The following RUBCNL variants were observed in gnomAD, a reference collection of about 807,000 sequenced individuals.
RUBCNL encodes rubicon like autophagy enhancer.
RUBCNL carries 62 observed loss-of-function variants against 69.5 expected under a neutral mutation model. The observed-to-expected ratio is 0.89, with a 90% CI of 0.73 to 1.10. The LOEUF (loss-of-function observed/expected upper bound fraction) is 1.10. RUBCNL is among the 50% of genes least tolerant of loss of function. The probability of loss-of-function intolerance (pLI) is 0.00; values close to 1 mark genes in which losing one functional copy is unlikely to be tolerated. For missense variants in RUBCNL, 768 were observed against 798.1 expected, an observed-to-expected ratio of 0.96 and a Z score of 0.45; for synonymous variants, 291 against 303.6, an observed-to-expected ratio of 0.96 and a Z score of 0.43.
chr13:46,362,965 T>TATATATATATAG (rs2048664485), intron 6 of RUBCNL, 150 bp downstream of exon 6: 1 of 126,560 alleles, frequency 7.9e-6, no homozygotes, highest in Non-Finnish European at 1.5e-5. Context: ...TATATATATA[T>TATATATATATAG]ATATATATAT....
intron 5 of RUBCNL, among the ~76,000 whole-genome samples, chr13:46,365,366 G>A (rs259703): frequency 0.39 from 58,600 of 149,528 alleles, 12,076 homozygotes; most frequent in East Asian, 0.59. Flanking sequence ...CCTAAACCAC[G>A]TACACACACA....
intron 1 of RUBCNL, among the ~76,000 whole-genome samples, chr13:46,383,409 C>A (rs1335922533): frequency 2.0e-5 from 3 of 152,204 alleles, no homozygotes; most frequent in Non-Finnish European, 4.4e-5. Flanking sequence ...CCATGTACTG[C>A]CCCATAGCCT....
In RUBCNL at chr13:46,339,238, A is replaced by T. The variant is rs951481620; in HGVS notation, c.*4147T>A. Among the ~76,000 whole-genome samples the T allele has an allele frequency of 6.6e-6, 1 of 152,100 alleles. No individual in the cohort carries two copies. The highest frequency in any genetic ancestry group is 6.5e-5 in the Admixed American group (1 of 15,270). On this transcript the variant is annotated 3_prime_UTR_variant, in exon 15 of 15. Transcript: ENST00000429979. Reference sequence around the variant, plus strand: ...GCCTGCTACCTCAGCATTACTCATAAAAGTATTGTTTTAGTTTCTAGTGAA... The same window carrying T: ...GCCTGCTACCTCAGCATTACTCATATAAGTATTGTTTTAGTTTCTAGTGAA...
chr13:46,344,549 C>T, intron 14 of RUBCNL, among the ~76,000 whole-genome samples, 192 bp downstream of exon 14: 1 of 152,200 alleles, frequency 6.6e-6, no homozygotes, highest in Non-Finnish European at 1.5e-5. Context: ...CCAAATACTC[C>T]TCCTTCTGTG....
chr13:46,363,097 A>G lies in RUBCNL; in HGVS notation c.925+18T>C. On this transcript the variant is annotated intron_variant, in intron 6 of 14. Transcript: ENST00000429979. ...TGGGGAGGCAGCCAGTCACATCCAA[A>G]CAGTTTCCAAATCTTACCTAAAATA... 2 of 1,539,640 alleles carry G rather than the reference A, an allele frequency of 1.3e-6. No individual in the cohort carries two copies. The highest frequency in any genetic ancestry group is 1.8e-6 in the Non-Finnish European group (2 of 1,122,276).
chr13:46,362,939 G>GATATATATATATAGAT (rs2048653872), intron 6 of RUBCNL, among the ~76,000 whole-genome samples, 176 bp downstream of exon 6: 1 of 41,504 alleles, frequency 2.4e-5, no homozygotes. Flanking sequence ...TATATATATA[G>GATATATATATATAGAT]ATATATATAT....
rs2048105068 is a variant in RUBCNL at position 46,336,350 on chromosome 13, T to C, written c.*7035A>G. Among the ~76,000 whole-genome samples, 1 of 152,190 alleles carries C rather than the reference T, an allele frequency of 6.6e-6. No homozygotes were observed. Among genetic ancestry groups the C allele is most frequent in the Non-Finnish European group, 1.5e-5 (1 of 68,028 alleles). Reference sequence around the variant, plus strand: ...GGCATGGACAGTAGAAATGCAACCATTACTCTTAAAAGTTGTATAGTACTG... The same window carrying C: ...GGCATGGACAGTAGAAATGCAACCACTACTCTTAAAAGTTGTATAGTACTG... On this transcript the variant is annotated 3_prime_UTR_variant, in exon 15 of 15. Transcript: ENST00000429979.
At chr13:46,350,091 T>C (rs1272565795) in intron 11 of RUBCNL, 22 bp downstream of exon 11, 5 of 1,500,478 alleles carry the variant, frequency 3.3e-6, no homozygotes, top group Non-Finnish European at 4.5e-6. Flanking sequence ...ATGAGAGGGA[T>C]GGGGTTGGGG....
Position 46,335,158 on chromosome 13 carries a change from G to A in RUBCNL, c.*8227C>T, listed in dbSNP as rs2138647977. On this transcript the variant is annotated 3_prime_UTR_variant, in exon 15 of 15. Coordinates refer to ENST00000429979, the MANE Select transcript of RUBCNL (RefSeq NM_025113.5). ...TGCCTCACTACAGCCTCAAACTCCT[G>A]GGCTCGATCGATCCTCCCACCTCAG... Among the ~76,000 whole-genome samples, 1 of 151,598 alleles carries A rather than the reference G, an allele frequency of 6.6e-6. No homozygotes were observed. Among genetic ancestry groups the A allele is most frequent in the African/African-American group, 2.4e-5 (1 of 41,274 alleles).
At chr13:46,386,565 C>A (rs2049249374) in intron 1 of RUBCNL, among the ~76,000 whole-genome samples, 1 of 151,332 alleles carries the variant, frequency 6.6e-6, no homozygotes, top group African/African-American at 2.4e-5. Flanking sequence ...TGGGGGAACG[C>A]CCGCCTGACC....
intron 7 of RUBCNL, 111 bp from the exon 8 acceptor site, chr13:46,361,684 T>C: frequency 9.2e-7 from 1 of 1,087,402 alleles, no homozygotes; most frequent in Non-Finnish European, 1.3e-6. Context: ...CAGAAGAGGC[T>C]GTCATATGAG....
At chr13:46,367,455 A>C (rs1194354104) in intron 5 of RUBCNL, among the ~76,000 whole-genome samples, 1 of 152,236 alleles carries the variant, frequency 6.6e-6, no homozygotes, top group Non-Finnish European at 1.5e-5. Context: ...GTTTATTTCC[A>C]GTGAAAAAGA....
Position 46,365,134 on chromosome 13 carries a change from C to G in RUBCNL, c.827-1921G>C, listed in dbSNP as rs112388330. ...CCTGGCCAACATGGTGAAAGCTCGT[C>G]TCTACTAAAAATACAAAAATTAGCT... On this transcript the variant is annotated intron_variant, in intron 5 of 14. Transcript: ENST00000429979. Among the ~76,000 whole-genome samples the G allele has an allele frequency of 1.7e-3, 257 of 151,926 alleles. 1 individual carries two copies. Among genetic ancestry groups the G allele is most frequent in the African/African-American group, 5.9e-3 (245 of 41,436 alleles).
At chr13:46,356,558 AT>A in intron 9 of RUBCNL, 62 bp from the exon 10 acceptor site, 1 of 1,413,446 alleles carries the variant, frequency 7.1e-7, no homozygotes, top group Non-Finnish European at 9.9e-7. Context: ...TTTTTCACTA[AT>A]TAGAAAAGAA....
At position 46,363,177 on chromosome 13, in the gene RUBCNL, G is replaced by A. The variant is rs770125679; in HGVS notation, c.863C>T (p.Thr288Ile). Residue 288 changes from threonine (T) to isoleucine (I), a missense_variant, in exon 6 of 15, where the codon ACA becomes ATA. Physicochemically the swap from Thr to Ile is moderately conservative, Grantham distance 89. Transcript: ENST00000429979. ...CTCTTTCACATCATGGTAAGTACGT[G>A]TTTCAGTCACTGGGCTGACCTGTAA... ...AVLQVSPVTE[T>I]RTYHDVKEIC... 10 of 1,598,922 alleles carry A rather than the reference G, an allele frequency of 6.3e-6. No individual in the cohort carries two copies. The highest frequency in any genetic ancestry group is 7.7e-6 in the Non-Finnish European group (9 of 1,172,660).
intron 11 of RUBCNL, 31 bp downstream of exon 11, chr13:46,350,082 T>C (rs377670377): frequency 6.8e-7 from 1 of 1,473,044 alleles, no homozygotes; most frequent in Admixed American, 2.0e-5. Flanking sequence ...ACACTTCCAA[T>C]GAGAGGGATG....
intron 10 of RUBCNL, among the ~76,000 whole-genome samples, chr13:46,353,411 A>C: frequency 6.6e-6 from 1 of 152,218 alleles, no homozygotes; most frequent in Non-Finnish European, 1.5e-5. Flanking sequence ...AACTTCATTG[A>C]ATACATGCTG....
In RUBCNL at chr13:46,334,754, A is replaced by C. The variant is rs1245420797; in HGVS notation, c.*8631T>G. Among the ~76,000 whole-genome samples the C allele has an allele frequency of 6.6e-6, 1 of 152,228 alleles. No homozygotes were observed. Among genetic ancestry groups the C allele is most frequent in the Admixed American group, 6.5e-5 (1 of 15,286 alleles). ...ATGCTAAACATACTTTTCATAACTT[A>C]TATCATTTAATCTGTACGACAACCT... On this transcript the variant is annotated 3_prime_UTR_variant, in exon 15 of 15. Transcript: ENST00000429979.
At chr13:46,356,411 C>T (rs367575116) in intron 10 of RUBCNL, 21 bp downstream of exon 10, 443 of 1,611,398 alleles carry the variant, frequency 2.7e-4, no homozygotes, top group Non-Finnish European at 3.5e-4. Context: ...CATAAGCAGG[C>T]GATCCATTAT....
Sources: allele counts gnomAD v4.1 joint callset (sites outside exome capture counted in the v4.1 genomes callset), GRCh38; gene constraint gnomAD v4.1.1; transcripts MANE v1.5; gene names NCBI Gene and HGNC (gene_info 2026-07-23, HGNC 2026-07-21).